LPIN3: variants seen among roughly 807,000 people sequenced by gnomAD.
The protein encoded by LPIN3 is lipin 3.
Under a neutral mutation model 94.7 loss-of-function variants are expected in LPIN3, and 82 were observed. The ratio of observed to expected loss-of-function variants is 0.87; its 90% CI spans 0.72 to 1.04. The LOEUF is 1.04. Among genes scored for constraint, LPIN3 ranks in the 50% least tolerant of loss-of-function variants. The probability of loss-of-function intolerance (pLI) is 0.00; values close to 1 mark genes in which losing one functional copy is unlikely to be tolerated. For synonymous variants in LPIN3, 418 were observed against 443.3 expected (o/e 0.94, Z 0.72); for missense variants, 996 against 1,090.5 (o/e 0.91, Z 1.22).
At position 41,357,196 on chromosome 20, in the gene LPIN3, C is replaced by G; in HGVS notation, c.1952+8C>G. 1 of 1,613,722 alleles carries G rather than the reference C, an allele frequency of 6.2e-7. No homozygotes were observed. Among genetic ancestry groups the G allele is most frequent in the Non-Finnish European group, 8.5e-7 (1 of 1,179,948 alleles). ...CGACGGCACCATCACCAAGTGAGGCCCACCCAGCTGTGGGAAGGGGAGGGA... is the reference window on the plus strand; with the variant it reads ...CGACGGCACCATCACCAAGTGAGGCGCACCCAGCTGTGGGAAGGGGAGGGA... On this transcript the variant is annotated splice_region_variant and intron_variant, in intron 15 of 19. Transcript: ENST00000373257.
chr20:41,356,497 C>T (rs551835591), intron 14 of LPIN3, among the ~76,000 whole-genome samples: 2 of 152,188 alleles, frequency 1.3e-5, no homozygotes, highest in Non-Finnish European at 2.9e-5. Context: ...GGCTGACCAG[C>T]CAGTACAAAG....
At chr20:41,357,802 T>C in intron 16 of LPIN3, 80 bp from the exon 17 acceptor site, 1 of 1,572,798 alleles carries the variant, frequency 6.4e-7, no homozygotes, top group Non-Finnish European at 8.7e-7. Flanking sequence ...ACAGTTGGGC[T>C]GGGCAGGCTA....
Position 41,345,998 on chromosome 20 carries a change from G to A in LPIN3, c.192+3G>A, listed in dbSNP as rs1452559728. The A allele has an allele frequency of 1.9e-6, 3 of 1,612,228 alleles. No individual in the cohort carries two copies. The South Asian group carries it at 3.3e-5, about 18-fold the overall frequency. Reference sequence around the variant, plus strand: ...TCCTGCGGTCGCGGGAGAAGGTGGTGAGTGCTCAGGCTGGCTGAGGTGGCT... The same window carrying A: ...TCCTGCGGTCGCGGGAGAAGGTGGTAAGTGCTCAGGCTGGCTGAGGTGGCT... On this transcript the variant is annotated splice_donor_region_variant and intron_variant, in intron 2 of 19. Coordinates refer to ENST00000373257, the MANE Select transcript of LPIN3 (RefSeq NM_022896.3).
chr20:41,350,532 A>C, intron 7 of LPIN3, 135 bp downstream of exon 7: 4 of 694,994 alleles, frequency 5.8e-6, no homozygotes, highest in Non-Finnish European at 7.2e-6. Flanking sequence ...CATGAAGCTC[A>C]CAGTGCAGTG....
intron 1 of LPIN3, among the ~76,000 whole-genome samples, chr20:41,341,706 G>A (rs1350880604): frequency 6.6e-6 from 1 of 152,240 alleles, no homozygotes; most frequent in African/African-American, 2.4e-5. Flanking sequence ...AACTCCGCTG[G>A]GCGCGGTGGC....
intron 11 of LPIN3, among the ~76,000 whole-genome samples, chr20:41,353,287 C>G (rs1021528887): frequency 3.3e-5 from 5 of 152,180 alleles, no homozygotes; most frequent in Non-Finnish European, 7.3e-5. Context: ...CTGAAGGGTG[C>G]TTACTTTCTT....
chr20:41,348,862 G>A lies in LPIN3; in HGVS notation c.532G>A (p.Glu178Lys), dbSNP rs748295240. 1 of 1,606,654 alleles carries A rather than the reference G, an allele frequency of 6.2e-7. No individual in the cohort carries two copies. Among genetic ancestry groups the A allele is most frequent in the Non-Finnish European group, 8.5e-7 (1 of 1,176,490 alleles). The change falls in exon 4 of 20, where the codon GAA (glutamate) becomes AAA (lysine). Residue 178 changes from glutamate (E) to lysine (K), a missense_variant. Transcript: ENST00000373257. The part of the protein sequence containing the change: ...AGAESELSLP[E>K]KLRPEPPGVQ... ...CGCTGAGAGTGAGCTATCCCTGCCG[G>A]AAAAGCTGAGGCCAGAGCCCCCAGG...
chr20:41,355,789 G>C, intron 13 of LPIN3, 107 bp from the exon 14 acceptor site: 1 of 1,437,234 alleles, frequency 7.0e-7, no homozygotes, highest in Non-Finnish European at 9.6e-7. Flanking sequence ...TGATACCCTG[G>C]GTAGGCCCTG....
At position 41,347,657 on chromosome 20, in the gene LPIN3, C is replaced by A; in HGVS notation, c.288+10C>A. On this transcript the variant is annotated intron_variant, in intron 3 of 19. Transcript: ENST00000373257. ...GCTGGAGAGCGATGATGTGAGTCTG[C>A]CCTCCTAACAGCACCTGCCCCGCCC... The A allele has an allele frequency of 6.2e-7, 1 of 1,608,484 alleles. No homozygotes were observed. The highest frequency in any genetic ancestry group is 1.1e-5 in the South Asian group (1 of 90,356).
At position 41,345,979 on chromosome 20, in the gene LPIN3, G is replaced by A. The variant is rs139051268; in HGVS notation, c.176G>A (p.Arg59Gln). Reference protein sequence around the residue: ...HVRFGKLGVLRSREKVVDIEL... With the variant: ...HVRFGKLGVLQSREKVVDIEL... Reference sequence around the variant, plus strand: ...CGTTTTGGCAAGCTGGGCGTCCTGCGGTCGCGGGAGAAGGTGGTGAGTGCT... The same window carrying A: ...CGTTTTGGCAAGCTGGGCGTCCTGCAGTCGCGGGAGAAGGTGGTGAGTGCT... The change falls in exon 2 of 20, where the codon CGG (arginine) becomes CAG (glutamine). Residue 59 changes from arginine to glutamine, a missense_variant. Physicochemically the swap from Arg to Gln is conservative, Grantham distance 43 (BLOSUM62 1). Transcript: ENST00000373257. The A allele has an allele frequency of 1.8e-4, 292 of 1,613,620 alleles. No homozygotes were observed. Among genetic ancestry groups the A allele is most frequent in the Non-Finnish European group, 2.3e-4 (273 of 1,179,752 alleles).
At chr20:41,357,005 T>TA (rs1287065640) in intron 14 of LPIN3, 35 bp from the exon 15 acceptor site, 1 of 1,598,462 alleles carries the variant, frequency 6.3e-7, no homozygotes, top group African/African-American at 1.3e-5. Flanking sequence ...CTGGCTGTCA[T>TA]CAATCACGAC....
intron 2 of LPIN3, among the ~76,000 whole-genome samples, 181 bp downstream of exon 2, chr20:41,346,176 G>A (rs1052063278): frequency 6.6e-6 from 1 of 152,190 alleles, no homozygotes; most frequent in South Asian, 2.1e-4. Flanking sequence ...GTTTTGGTCT[G>A]GGAGGGTTCA....
At chr20:41,344,402 T>C (rs2045696696) in intron 1 of LPIN3, among the ~76,000 whole-genome samples, 1 of 152,244 alleles carries the variant, frequency 6.6e-6, no homozygotes, top group African/African-American at 2.4e-5. Context: ...TTTCCTCACC[T>C]GTAAAGTCAC....
chr20:41,344,509 G>A (rs901250150), intron 1 of LPIN3, among the ~76,000 whole-genome samples: 2 of 152,234 alleles, frequency 1.3e-5, no homozygotes, highest in Admixed American at 6.5e-5. Context: ...AGAAGAAAGT[G>A]CTCTGTAGAG....
At position 41,352,707 on chromosome 20, in the gene LPIN3, C is replaced by G. The variant is rs778754852; in HGVS notation, c.1457+8C>G. The G allele has an allele frequency of 6.2e-7, 1 of 1,613,862 alleles. No individual in the cohort carries two copies. Among genetic ancestry groups the G allele is most frequent in the Admixed American group, 1.7e-5 (1 of 60,010 alleles). On this transcript the variant is annotated splice_region_variant and intron_variant, in intron 10 of 19. Coordinates refer to ENST00000373257, the MANE Select transcript of LPIN3 (RefSeq NM_022896.3). ...GGTGAAAATCAATGGAAAGTAAGTC[C>G]CAGAGCTGGGGCTGCTGGCAGCCGG...
chr20:41,356,098 T>G (rs1349281686), intron 14 of LPIN3, 64 bp downstream of exon 14: 1 of 1,572,916 alleles, frequency 6.4e-7, no homozygotes, highest in African/African-American at 1.3e-5. Context: ...TTAGAGTCCC[T>G]CAGGACCTGG....
chr20:41,354,735 G>C lies in LPIN3; in HGVS notation c.1618G>C (p.Glu540Gln). ...SWRRRDFLAE[E>Q]RSAQKEKTAA... The stretch of plus-strand genomic sequence containing the variant: ...GCGACGCAGGGACTTCCTGGCCGAG[G>C]AGGTGGGTGGTCACAGTCGAGGGCC... The change falls in exon 12 of 20, where the codon GAG becomes CAG. Residue 540 changes from glutamate (E) to glutamine (Q), a missense_variant and splice_region_variant. Transcript: ENST00000373257. 3 of 1,608,114 alleles carry C rather than the reference G, an allele frequency of 1.9e-6. No homozygotes were observed. Among genetic ancestry groups the C allele is most frequent in the Non-Finnish European group, 2.6e-6 (3 of 1,176,418 alleles).
chr20:41,352,351 G>C, intron 9 of LPIN3, 131 bp downstream of exon 9: 1 of 1,096,508 alleles, frequency 9.1e-7, no homozygotes, highest in East Asian at 2.4e-5. Context: ...TCTGCCCTGT[G>C]CAGTCCACAC....
chr20:41,357,826 A>AGAT, intron 16 of LPIN3, 56 bp from the exon 17 acceptor site: 1 of 1,604,594 alleles, frequency 6.2e-7, no homozygotes, highest in Admixed American at 1.7e-5. Context: ...CCAGAGAAAC[A>AGAT]GATGGGGGCT....
Sources: allele counts gnomAD v4.1 joint callset (sites outside exome capture counted in the v4.1 genomes callset), GRCh38; gene constraint gnomAD v4.1.1; transcripts MANE v1.5; gene names NCBI Gene and HGNC (gene_info 2026-07-23, HGNC 2026-07-21).